Variants in PTP4A3 observed in about 807,000 individuals in gnomAD.
PTP4A3 encodes the protein protein tyrosine phosphatase 4A3.
A neutral mutation model predicts 15.2 loss-of-function variants in PTP4A3; 9 were observed. The ratio of observed to expected loss-of-function variants is 0.59; its 90% confidence interval spans 0.36 to 1.03. The LOEUF (loss-of-function observed/expected upper bound fraction) is 1.03. Ranked by LOEUF, PTP4A3 falls within the 50% of genes least tolerant of loss-of-function variation. The pLI, the probability that PTP4A3 is intolerant of heterozygous loss-of-function variation, is 0.02. For missense variants in PTP4A3, 234 were observed against 252.1 expected, an observed-to-expected ratio of 0.93 and a Z score of 0.49; for synonymous variants, 95 against 102.0, an observed-to-expected ratio of 0.93 and a Z score of 0.41.
chr8:141,407,568 A>ATTTT lies in PTP4A3; in HGVS notation c.-853-13807_-853-13804dup, dbSNP rs34070633. Among the ~76,000 whole-genome samples, 169 of 139,886 alleles carry ATTTT rather than the reference A, an allele frequency of 1.2e-3. 3 individuals are homozygous for ATTTT. In the East Asian group the frequency reaches 0.027, roughly 23 times the overall value. The allele number at this position is 139,886 out of a possible 152,430, so 91.8% of individuals were successfully genotyped here. A position where few individuals can be genotyped will look rare whatever the true frequency, so the allele number is the denominator to read the frequency against. On this transcript the variant is annotated intron_variant, in intron 1 of 5. Transcript: ENST00000521578. ...CCCAACACACATTCATAAACTTTCT[A>ATTTT]TTTTTTTTTTTTTTTTGAGATGGAG... is the stretch of plus-strand genomic sequence containing the variant.
intron 2 of PTP4A3, 97 bp downstream of exon 2, chr8:141,422,442 G>C (rs777756341): frequency 7.4e-7 from 1 of 1,345,544 alleles, no homozygotes; most frequent in Admixed American, 1.8e-5. Context: ...CCCCAGCCCC[G>C]GCTGGCCAGA....
At chr8:141,397,956 C>G (rs1232944225) in intron 1 of PTP4A3, among the ~76,000 whole-genome samples, 1 of 152,154 alleles carries the variant, frequency 6.6e-6, no homozygotes, top group Non-Finnish European at 1.5e-5. Context: ...CTGGACGGGC[C>G]GAGACCTGGA....
At chr8:141,417,657 G>A (rs539063053) in intron 1 of PTP4A3, among the ~76,000 whole-genome samples, 2 of 152,150 alleles carry the variant, frequency 1.3e-5, no homozygotes, top group South Asian at 4.1e-4. Flanking sequence ...AGAGGGCGCC[G>A]GGCCGGCCGG....
At chr8:141,407,429 A>G (rs1156549365) in intron 1 of PTP4A3, among the ~76,000 whole-genome samples, 1 of 152,216 alleles carries the variant, frequency 6.6e-6, no homozygotes, top group Non-Finnish European at 1.5e-5. Flanking sequence ...ATTCAGACAG[A>G]GCTGGAAATG....
chr8:141,418,378 C>T (rs957027123), intron 1 of PTP4A3, among the ~76,000 whole-genome samples: 1 of 152,222 alleles, frequency 6.6e-6, no homozygotes, highest in Non-Finnish European at 1.5e-5. Context: ...TCGATTTCCT[C>T]TTCTGTGCAG....
In PTP4A3 at chr8:141,425,222, G is replaced by T. The variant is rs564649170; in HGVS notation, c.198+82G>T. Reference sequence around the variant, plus strand: ...GGGGGGCTCCGGGCCTGCGCAGAGGGTTTGGTGCCCCTCCTGTGGCAGCCC... The same window carrying T: ...GGGGGGCTCCGGGCCTGCGCAGAGGTTTTGGTGCCCCTCCTGTGGCAGCCC... On this transcript the variant is annotated intron_variant, in intron 3 of 5. Coordinates refer to ENST00000521578, the MANE Select transcript of PTP4A3 (RefSeq NM_032611.3). This position sits in a 1 kb window ranked among gnomAD's most constrained non-coding sequence, Gnocchi z 4.2. 4.2e-5 allele frequency: 57 copies of T among 1,370,586 alleles called. No individual in the cohort carries two copies. The Admixed American group carries it at 1.1e-3, about 26-fold the overall frequency. The allele number at this position is 1,370,586 out of a possible 1,614,324, so 84.9% of individuals were successfully genotyped here. A position where few individuals can be genotyped will look rare whatever the true frequency, so the allele number is the denominator to read the frequency against.
chr8:141,412,527 GC>G (rs1354615894), intron 1 of PTP4A3, among the ~76,000 whole-genome samples: 3 of 152,218 alleles, frequency 2.0e-5, no homozygotes, highest in Non-Finnish European at 4.4e-5. Flanking sequence ...GGCCCTCAGG[GC>G]CCTGTCCCCT....
At chr8:141,430,845 C>G in intron 5 of PTP4A3, 82 bp from the exon 6 acceptor site, 2 of 1,399,134 alleles carry the variant, frequency 1.4e-6, no homozygotes, top group Non-Finnish European at 1.0e-6. Context: ...CCACTGCACT[C>G]TCAGATTCCA....
intron 1 of PTP4A3, among the ~76,000 whole-genome samples, chr8:141,405,431 T>A (rs1466962496): frequency 6.6e-6 from 1 of 152,186 alleles, no homozygotes; most frequent in Non-Finnish European, 1.5e-5. Context: ...ACCCAAGCAG[T>A]GACTTTGGGT....
chr8:141,404,938 T>C (rs560569494), intron 1 of PTP4A3, among the ~76,000 whole-genome samples: 4 of 152,326 alleles, frequency 2.6e-5, no homozygotes, highest in Admixed American at 1.3e-4. Flanking sequence ...GGGCACTGAC[T>C]GTCTACATTG....
chr8:141,414,529 C>T (rs1832963334), intron 1 of PTP4A3, among the ~76,000 whole-genome samples: 1 of 151,666 alleles, frequency 6.6e-6, no homozygotes, highest in South Asian at 2.1e-4. Flanking sequence ...GTGTGTGAGT[C>T]TCTGCACCTG....
At chr8:141,428,530 C>T (rs546814272) in intron 5 of PTP4A3, among the ~76,000 whole-genome samples, 1 of 152,218 alleles carries the variant, frequency 6.6e-6, no homozygotes, top group Non-Finnish European at 1.5e-5. Flanking sequence ...CTCGGACAGG[C>T]TTGGCTGGTG....
At chr8:141,402,863 G>A (rs1832628833) in intron 1 of PTP4A3, among the ~76,000 whole-genome samples, 1 of 152,212 alleles carries the variant, frequency 6.6e-6, no homozygotes, top group Non-Finnish European at 1.5e-5. Context: ...TGAAGAGGAA[G>A]TGAGCGTGAG....
intron 3 of PTP4A3, chr8:141,426,451 A>G: frequency 1.0e-6 from 1 of 985,374 alleles, no homozygotes; most frequent in Non-Finnish European, 1.2e-6. Flanking sequence ...GTCTCGCCCC[A>G]CAGCCCTGTC....
intron 1 of PTP4A3, among the ~76,000 whole-genome samples, chr8:141,395,724 T>A (rs13251849): frequency 1.0e-3 from 123 of 122,078 alleles, no homozygotes; most frequent in South Asian, 5.8e-3. Flanking sequence ...CTACCCGGGG[T>A]AGGTGCGTGG....
intron 1 of PTP4A3, among the ~76,000 whole-genome samples, chr8:141,415,134 T>G (rs1832989590): frequency 6.6e-6 from 1 of 152,070 alleles, no homozygotes; most frequent in Non-Finnish European, 1.5e-5. Flanking sequence ...GGCTGCCACC[T>G]GGGAGTGAAG....
At chr8:141,415,891 C>A (rs1425842101) in intron 1 of PTP4A3, among the ~76,000 whole-genome samples, 1 of 151,416 alleles carries the variant, frequency 6.6e-6, no homozygotes, top group East Asian at 2.0e-4. Flanking sequence ...GTGCATCAAG[C>A]GTGGGCTTGG....
intron 1 of PTP4A3, among the ~76,000 whole-genome samples, chr8:141,417,421 G>A (rs544739834): frequency 6.6e-6 from 1 of 152,274 alleles, no homozygotes; most frequent in East Asian, 1.9e-4. Flanking sequence ...TGGGCAGGGG[G>A]TCTGAACTGG....
At chr8:141,420,042 C>T (rs1231130043) in intron 1 of PTP4A3, among the ~76,000 whole-genome samples, 1 of 152,184 alleles carries the variant, frequency 6.6e-6, no homozygotes, top group Non-Finnish European at 1.5e-5. Flanking sequence ...GGGGCCCAGG[C>T]CTCAAGCCCT....
Sources: allele counts gnomAD v4.1 joint callset (sites outside exome capture counted in the v4.1 genomes callset), GRCh38; gene constraint gnomAD v4.1.1; non-coding constraint Gnocchi (gnomAD v3.1); transcripts MANE v1.5; gene names NCBI Gene and HGNC (gene_info 2026-07-23, HGNC 2026-07-21).